GARNL3: variants seen among roughly 807,000 people sequenced by gnomAD.
GARNL3 encodes GTPase activating Rap/RanGAP domain like 3.
In GARNL3, 63 loss-of-function variants were observed where a neutral mutation model predicts 125.0. The observed-to-expected ratio is 0.50, with a 90% CI of 0.41 to 0.62. GARNL3 has a LOEUF of 0.62. Among genes scored for constraint, GARNL3 ranks in the 20% least tolerant of loss-of-function variants. GARNL3 has a pLI of 0.00. For missense variants in GARNL3, 994 were observed against 1,244.0 expected (o/e 0.80, Z 3.02); for synonymous variants, 439 against 457.5 (o/e 0.96, Z 0.52).
Position 127,385,094 on chromosome 9 carries a change from G to A in GARNL3, c.2337G>A (p.Gly779=), listed in dbSNP as rs748370518. The change falls in exon 24 of 28, where the codon GGG becomes GGA. Residue 779 remains glycine (G), a synonymous_variant. Transcript: ENST00000373387. This position sits in a 1 kb window ranked among gnomAD's most constrained non-coding sequence, Gnocchi z 4.1. ...DSMEIRLVVN[G]NLVHTAVVPQ... is the part of the protein sequence containing the mutation. Reference sequence around the variant, plus strand: ...TGGAGATCCGCCTGGTGGTGAACGGGAACCTGGTCCACACTGCAGTCGTGC... The same window carrying A: ...TGGAGATCCGCCTGGTGGTGAACGGAAACCTGGTCCACACTGCAGTCGTGC... 1 of 1,612,962 alleles carries A rather than the reference G, an allele frequency of 6.2e-7. No homozygotes were observed. Among genetic ancestry groups the A allele is most frequent in the Non-Finnish European group, 8.5e-7 (1 of 1,179,424 alleles).
At chr9:127,358,177 G>A (rs1297219594) in intron 21 of GARNL3, among the ~76,000 whole-genome samples, 32 of 152,236 alleles carry the variant, frequency 2.1e-4, no homozygotes, top group Admixed American at 2.1e-3. Context: ...ACAGTGGTGA[G>A]CACTCACCAC....
chr9:127,231,050 A>ATATATATATT lies in GARNL3; in HGVS notation c.-29+6713_-29+6714insATATATATTT, dbSNP rs1161629810. Among the ~76,000 whole-genome samples the ATATATATATT allele has an allele frequency of 3.5e-4, 31 of 89,548 alleles. 1 individual carries two copies. Among genetic ancestry groups the ATATATATATT allele is most frequent in the African/African-American group, 2.3e-3 (29 of 12,594 alleles). The allele number at this position is 89,548 out of a possible 152,430, so 58.7% of individuals were successfully genotyped here. On this transcript the variant is annotated intron_variant, in intron 1 of 10. Transcript: ENST00000439286. Reference sequence around the variant, plus strand: ...TGTATATATACATATATATATATATATTTTTTTTTTTTTTTTTTTTTTGAG... The same window carrying ATATATATATT: ...TGTATATATACATATATATATATATATATATATATTTTTTTTTTTTTTTTTTTTTTTTGAG...
At chr9:127,317,567 A>C (rs1478436103) in intron 4 of GARNL3, among the ~76,000 whole-genome samples, 1 of 151,998 alleles carries the variant, frequency 6.6e-6, no homozygotes, top group Non-Finnish European at 1.5e-5. Context: ...TCTACTAAAA[A>C]TTAGCCAGGC....
At chr9:127,295,264 G>A (rs2064553790) in intron 2 of GARNL3, among the ~76,000 whole-genome samples, 1 of 152,214 alleles carries the variant, frequency 6.6e-6, no homozygotes, top group Admixed American at 6.5e-5. Context: ...TCATGGACTA[G>A]TAAACAGTTT....
intron 2 of GARNL3, among the ~76,000 whole-genome samples, chr9:127,249,609 A>T (rs1265664909): frequency 6.6e-6 from 1 of 152,182 alleles, no homozygotes; most frequent in African/African-American, 2.4e-5. Flanking sequence ...AGATAAATAA[A>T]TAAAAGATTA....
intron 14 of GARNL3, among the ~76,000 whole-genome samples, chr9:127,343,381 A>G (rs1829972968): frequency 6.6e-6 from 1 of 152,206 alleles, no homozygotes; most frequent in South Asian, 2.1e-4. Flanking sequence ...GATGTCCTTC[A>G]AGATAAGTAA....
intron 2 of GARNL3, among the ~76,000 whole-genome samples, chr9:127,252,536 A>G (rs1050686353): frequency 6.6e-6 from 1 of 152,200 alleles, no homozygotes; most frequent in African/African-American, 2.4e-5. Context: ...ATCAAACCCC[A>G]TTATATAGTT....
chr9:127,326,105 A>G (rs1410339302), intron 7 of GARNL3, among the ~76,000 whole-genome samples: 2 of 152,180 alleles, frequency 1.3e-5, no homozygotes, highest in Non-Finnish European at 2.9e-5. Flanking sequence ...CTTGTCCCCC[A>G]GATGTCCTCA....
intron 22 of GARNL3, among the ~76,000 whole-genome samples, chr9:127,375,235 G>A (rs1035010466): frequency 6.6e-6 from 1 of 152,160 alleles, no homozygotes; most frequent in Admixed American, 6.5e-5. Context: ...GGCCAAGGCA[G>A]GCAGATCACC....
intron 2 of GARNL3, among the ~76,000 whole-genome samples, chr9:127,298,059 C>T (rs1237107644): frequency 6.6e-6 from 1 of 152,196 alleles, no homozygotes; most frequent in Non-Finnish European, 1.5e-5. Context: ...GAACAAAAAC[C>T]TCTAGCCTCT....
intron 9 of GARNL3, among the ~76,000 whole-genome samples, chr9:127,333,647 G>A (rs905744613): frequency 2.0e-5 from 3 of 152,072 alleles, no homozygotes; most frequent in Non-Finnish European, 4.4e-5. Flanking sequence ...GGAGGGTCTC[G>A]AGGGGAGAAG....
At chr9:127,393,011 A>G in intron 27 of GARNL3, 72 bp from the exon 28 acceptor site, 1 of 1,264,800 alleles carries the variant, frequency 7.9e-7, no homozygotes, top group Non-Finnish European at 1.1e-6. Flanking sequence ...TGAGCAGGAA[A>G]TTGCCAGAAA....
chr9:127,274,671 T>A (rs1279246528), intron 1 of GARNL3, among the ~76,000 whole-genome samples: 1 of 152,222 alleles, frequency 6.6e-6, no homozygotes, highest in Non-Finnish European at 1.5e-5. Flanking sequence ...GAGTCTCTGT[T>A]GTTTGACTCC....
chr9:127,261,296 C>A (rs2063583923), upstream of GARNL3, among the ~76,000 whole-genome samples: 1 of 151,996 alleles, frequency 6.6e-6, no homozygotes, highest in Non-Finnish European at 1.5e-5. Flanking sequence ...AAGACCCAGG[C>A]CCCTTCATAT....
intron 20 of GARNL3, 79 bp from the exon 21 acceptor site, chr9:127,357,140 G>A (rs190490216): frequency 3.5e-6 from 5 of 1,426,474 alleles, no homozygotes; most frequent in Non-Finnish European, 4.9e-6. Flanking sequence ...CTGTAAGGAG[G>A]GAATGGGCAG....
intron 6 of GARNL3, among the ~76,000 whole-genome samples, chr9:127,324,607 TTCC>T (rs1444226905): frequency 6.6e-6 from 1 of 152,232 alleles, no homozygotes; most frequent in Non-Finnish European, 1.5e-5. Context: ...AAGATGGGAC[TTCC>T]TTGTAATAAG....
At chr9:127,303,174 A>AAATAAG (rs2064851292) in intron 2 of GARNL3, among the ~76,000 whole-genome samples, 1 of 152,190 alleles carries the variant, frequency 6.6e-6, no homozygotes, top group South Asian at 2.1e-4. Context: ...ATAAAAATAA[A>AAATAAG]TATTCCCAAG....
At chr9:127,341,657 C>T (rs138319283) in intron 13 of GARNL3, among the ~76,000 whole-genome samples, 5 of 152,218 alleles carry the variant, frequency 3.3e-5, no homozygotes, top group Admixed American at 6.5e-5. Flanking sequence ...AGGAAGGGGC[C>T]GCTAAAGACC....
At chr9:127,331,078 G>C (rs1432623507) in intron 7 of GARNL3, among the ~76,000 whole-genome samples, 2 of 151,988 alleles carry the variant, frequency 1.3e-5, no homozygotes, top group African/African-American at 4.8e-5. Context: ...TTCATCTAGT[G>C]GTGGGTCAAC....
Sources: gnomAD v4.1 joint callset for allele counts (sites outside exome capture counted in the v4.1 genomes callset) on GRCh38, gnomAD v4.1.1 for gene constraint, Gnocchi (gnomAD v3.1) non-coding constraint, MANE v1.5 for transcripts, NCBI Gene and HGNC (gene_info 2026-07-23, HGNC 2026-07-21) for gene names.